Variants in ZNF630 observed in about 807,000 individuals in gnomAD.
ZNF630 encodes the protein dJ54B20.2 (novel KRAB box containing C2H2 type zinc finger protein).
A neutral mutation model predicts 7.2 loss-of-function variants in ZNF630; 5 were observed. That is an observed-to-expected ratio of 0.70 (90% CI 0.36 to 1.46). The LOEUF (loss-of-function observed/expected upper bound fraction) is 1.46. Ranked by LOEUF, ZNF630 falls within the 40% of genes most tolerant of loss-of-function variation. The probability of loss-of-function intolerance (pLI) is 0.03; values close to 1 mark genes in which losing one functional copy is unlikely to be tolerated. For synonymous variants in ZNF630, 158 were observed against 162.8 expected (o/e 0.97, Z 0.23); for missense variants, 461 against 477.0 (o/e 0.97, Z 0.31).
chrX:48,060,745 G>T, intron 3 of ZNF630, 74 bp downstream of exon 3: 1 of 1,060,713 alleles, frequency 9.4e-7, no homozygotes, highest in Non-Finnish European at 1.3e-6. Context: ...TATCATAAAG[G>T]TCATGGTATT....
intron 2 of ZNF630, chrX:48,066,614 C>G (rs2059132561): frequency 2.6e-6 from 1 of 378,205 alleles, no homozygotes; most frequent in East Asian, 4.4e-5. Context: ...GGACTGATTT[C>G]TTTTTGTGGA....
intron 1 of ZNF630, among the ~76,000 whole-genome samples, chrX:48,070,062 G>T: frequency 9.4e-6 from 1 of 106,660 alleles, no homozygotes; most frequent in East Asian, 3.0e-4. Context: ...GTTTCACCGT[G>T]TTAGCCAGGA....
chrX:48,068,123 AGAAGGCAGGAAG>A (rs1199572012), intron 1 of ZNF630, among the ~76,000 whole-genome samples: 1 of 99,800 alleles, frequency 1.0e-5, no homozygotes, highest in African/African-American at 3.7e-5. Flanking sequence ...AAGGCAGGAC[AGAAGGCAGGAAG>A]GAAGGCAGGA....
intron 2 of ZNF630, among the ~76,000 whole-genome samples, chrX:48,065,150 T>G (rs2059124127): frequency 9.0e-6 from 1 of 111,712 alleles, no homozygotes; most frequent in Admixed American, 9.5e-5. Context: ...TTTAAAACCT[T>G]CCCACAAAGA....
chrX:48,058,213 G>A lies in ZNF630; in HGVS notation c.*255C>T, dbSNP rs182208179. 900 of 283,468 alleles carry A rather than the reference G, an allele frequency of 3.2e-3. 13 individuals carry two copies. Among genetic ancestry groups the A allele is most frequent in the African/African-American group, 0.023 (827 of 35,964 alleles). The allele number at this position is 283,468 out of a possible 1,213,427, so 23.4% of individuals were successfully genotyped here. The stretch of plus-strand genomic sequence containing the variant: ...CATTTAATGACCAAACAACACCAAA[G>A]TAGTGCTAATTCTTCCAGATACATT... On this transcript the variant is annotated 3_prime_UTR_variant, in exon 5 of 5. Coordinates refer to ENST00000276054, the MANE Select transcript of ZNF630 (RefSeq NM_001282201.2).
chrX:48,060,109 T>G lies in ZNF630; in HGVS notation c.333A>C (p.Ser111=), dbSNP rs375492918. ...GCCAGATTTTTAAAACAGAGTACAA[T>G]GAATTATCCTTTGGGGCTCTTTCTA... is the stretch of plus-strand genomic sequence containing the variant. The part of the protein sequence containing the change: ...EILERAPKDN[S]LYSVLKIWHI... The change falls in exon 5 of 5, where the codon TCA becomes TCC. Residue 111 remains serine (S), a synonymous_variant. Coordinates refer to ENST00000276054, the MANE Select transcript of ZNF630 (RefSeq NM_001282201.2). 5.1e-6 allele frequency: 6 copies of G among 1,181,168 alleles called. No homozygotes were observed. The African/African-American group carries it at 1.1e-4, about 21-fold the overall frequency.
chrX:48,069,847 T>TG (rs2059151068), intron 1 of ZNF630, among the ~76,000 whole-genome samples: 5 of 44,956 alleles, frequency 1.1e-4, no homozygotes, highest in African/African-American at 2.9e-4. Flanking sequence ...GTCTGTTTTT[T>TG]TTTTTTTTGT....
At chrX:48,070,116 C>G (rs2146514171) in intron 1 of ZNF630, among the ~76,000 whole-genome samples, 1 of 107,716 alleles carries the variant, frequency 9.3e-6, no homozygotes, top group Admixed American at 9.9e-5. Flanking sequence ...CCTCGGCCTC[C>G]CAAAGTGCTG....
intron 1 of ZNF630, among the ~76,000 whole-genome samples, chrX:48,070,184 A>T (rs1433176587): frequency 1.8e-5 from 2 of 109,967 alleles, no homozygotes; most frequent in Non-Finnish European, 3.8e-5. Flanking sequence ...TAACTGAAGA[A>T]TGTGCTTTAC....
chrX:48,058,464 A>T lies in ZNF630; in HGVS notation c.*4T>A, dbSNP rs1556908171. ...CTGACTTCTGGGAATAGGCCTTCCC[A>T]CAATCAGCATATATACAAGGTGTCT... is the stretch of plus-strand genomic sequence containing the variant. On this transcript the variant is annotated 3_prime_UTR_variant, in exon 5 of 5. Transcript: ENST00000276054. The T allele has an allele frequency of 8.7e-7, 1 of 1,154,945 alleles. No homozygotes were observed. The highest frequency in any genetic ancestry group is 2.8e-5 in the Admixed American group (1 of 36,171).
Position 48,059,800 on chromosome X carries a change from C to T in ZNF630, c.642G>A (p.Lys214=). The T allele has an allele frequency of 2.5e-6, 3 of 1,208,618 alleles. No individual in the cohort carries two copies. The highest frequency in any genetic ancestry group is 3.4e-6 in the Non-Finnish European group (3 of 893,313). The stretch of plus-strand genomic sequence containing the variant: ...CAGGCACAGAACAGGAAGCATTATA[C>T]TTAGGTGGTCTCCCACATCTAAATC... The part of the protein sequence containing the change: ...TKRFRCGRPP[K]YNASCSVPEK... Residue 214 remains lysine (K), a synonymous_variant, in exon 5 of 5, where the codon AAG becomes AAA. Transcript: ENST00000276054.
chrX:48,068,011 G>A (rs1459129955), intron 1 of ZNF630, among the ~76,000 whole-genome samples: 1 of 108,694 alleles, frequency 9.2e-6, no homozygotes, highest in Non-Finnish European at 1.9e-5. Flanking sequence ...GCAGTGAGCC[G>A]AGATTGAGCC....
chrX:48,068,562 T>C (rs974063032), intron 1 of ZNF630, among the ~76,000 whole-genome samples: 4 of 111,984 alleles, frequency 3.6e-5, no homozygotes, highest in African/African-American at 1.3e-4. Context: ...TTTTCATGGG[T>C]CACAAAATAT....
At chrX:48,069,778 A>G (rs1232626081) in intron 1 of ZNF630, among the ~76,000 whole-genome samples, 1 of 105,614 alleles carries the variant, frequency 9.5e-6, no homozygotes, top group East Asian at 2.9e-4. Context: ...TTCAGGCAAC[A>G]CCCCTTGCTT....
Position 48,058,958 on chromosome X carries a change from G to A in ZNF630, c.1484C>T (p.Ser495Phe), listed in dbSNP as rs868989185. The A allele has an allele frequency of 1.7e-6, 2 of 1,208,015 alleles. No individual in the cohort carries two copies. Among genetic ancestry groups the A allele is most frequent in the Non-Finnish European group, 2.2e-6 (2 of 893,086 alleles). Residue 495 changes from serine to phenylalanine, a missense_variant, in exon 5 of 5, where the codon TCC (serine) becomes TTC (phenylalanine). Coordinates refer to ENST00000276054, the MANE Select transcript of ZNF630 (RefSeq NM_001282201.2). ...KPYMCTECGK[S>F]FSQKSPLIIH... ...GATAAGAGGTGATTTCTGAGAGAAG[G>A]ATTTTCCACATTCAGTACACATATA...
intron 1 of ZNF630, among the ~76,000 whole-genome samples, chrX:48,068,838 C>G (rs1467191134): frequency 9.0e-6 from 1 of 111,025 alleles, no homozygotes; most frequent in African/African-American, 3.3e-5. Context: ...TAAGTATTAC[C>G]ATAGAAATAA....
Position 48,059,150 on chromosome X carries a change from T to G in ZNF630, c.1292A>C (p.Tyr431Ser). The change falls in exon 5 of 5, where the codon TAT becomes TCT. Residue 431 changes from tyrosine to serine, a missense_variant. Coordinates refer to ENST00000276054, the MANE Select transcript of ZNF630 (RefSeq NM_001282201.2). ...HQRTHTGEKP[Y>S]KCGECGKTFC... is the part of the protein sequence containing the mutation. The stretch of plus-strand genomic sequence containing the variant: ...AGTTTTCCCACATTCACCACACTTA[T>G]AGGGCTTCTCTCCAGTATGCGTTCT... The G allele has an allele frequency of 8.3e-7, 1 of 1,208,746 alleles. No homozygotes were observed. The highest frequency in any genetic ancestry group is 1.1e-6 in the Non-Finnish European group (1 of 893,237).
In ZNF630 at chrX:48,058,376, T is replaced by A. The variant is rs1315642247; in HGVS notation, c.*92A>T. On this transcript the variant is annotated 3_prime_UTR_variant, in exon 5 of 5. Coordinates refer to ENST00000276054, the MANE Select transcript of ZNF630 (RefSeq NM_001282201.2). ...GTATACTGAGGAACATATTAGTCTATTCTACAGTTGAGAAGTTGTCACTAT... is the reference window on the plus strand; with the variant it reads ...GTATACTGAGGAACATATTAGTCTAATCTACAGTTGAGAAGTTGTCACTAT... 1 of 901,101 alleles carries A rather than the reference T, an allele frequency of 1.1e-6. No individual in the cohort carries two copies. Among genetic ancestry groups the A allele is most frequent in the African/African-American group, 2.0e-5 (1 of 49,730 alleles). The allele number at this position is 901,101 out of a possible 1,213,427, so 74.3% of individuals were successfully genotyped here.
chrX:48,064,790 TG>T (rs1280890364), intron 2 of ZNF630, among the ~76,000 whole-genome samples: 4 of 111,971 alleles, frequency 3.6e-5, no homozygotes, highest in African/African-American at 1.3e-4. Flanking sequence ...TTTTAATGAT[TG>T]AAAAAAAAGT....
Sources: gnomAD v4.1 joint callset for allele counts (sites outside exome capture counted in the v4.1 genomes callset) on GRCh38, gnomAD v4.1.1 for gene constraint, MANE v1.5 for transcripts, NCBI Gene and HGNC (gene_info 2026-07-23, HGNC 2026-07-21) for gene names.